The following RMDN2 variants were observed in gnomAD, a reference collection of about 807,000 sequenced individuals.
RMDN2 encodes regulator of microtubule dynamics 2.
Under a neutral mutation model 52.8 loss-of-function variants are expected in RMDN2, and 61 were observed. That is an observed-to-expected ratio of 1.16 (90% CI 0.94 to 1.43). The LOEUF is 1.43. Among genes scored for constraint, RMDN2 ranks in the 40% most tolerant of loss-of-function variants. RMDN2 has a pLI of 0.00. For missense variants in RMDN2, 592 were observed against 475.3 expected, an observed-to-expected ratio of 1.25 and a Z score of -2.28; for synonymous variants, 180 against 153.1, an observed-to-expected ratio of 1.18 and a Z score of -1.30.
intron 2 of RMDN2, among the ~76,000 whole-genome samples, chr2:37,940,885 A>T (rs1186395750): frequency 6.6e-6 from 1 of 152,138 alleles, no homozygotes; most frequent in Non-Finnish European, 1.5e-5. Context: ...TCTGAAGCCT[A>T]CTTCTGTCAA....
chr2:38,034,310 A>T (rs976025429), intron 10 of RMDN2, among the ~76,000 whole-genome samples: 1 of 152,230 alleles, frequency 6.6e-6, no homozygotes, highest in Non-Finnish European at 1.5e-5. Flanking sequence ...ACCCTCTACC[A>T]CTATCTTGGA....
At position 37,929,266 on chromosome 2, in the gene RMDN2, G is replaced by A. The variant is rs373130579; in HGVS notation, c.-12G>A. 4.8e-5 allele frequency: 72 copies of A among 1,486,436 alleles called. No homozygotes were observed. Among genetic ancestry groups the A allele is most frequent in the Non-Finnish European group, 6.0e-5 (67 of 1,113,626 alleles). The allele number at this position is 1,486,436 out of a possible 1,614,324, so 92.1% of individuals were successfully genotyped here. On this transcript the variant is annotated 5_prime_UTR_variant, in exon 2 of 11. Transcript: ENST00000354545. Reference sequence around the variant, plus strand: ...CATTTATGTTTTTAATTTTAGAAACGAAAACCAAGAAATGCCTTATTCCAC... The same window carrying A: ...CATTTATGTTTTTAATTTTAGAAACAAAAACCAAGAAATGCCTTATTCCAC...
intron 2 of RMDN2, among the ~76,000 whole-genome samples, chr2:37,940,043 T>G (rs1464245150): frequency 6.6e-6 from 1 of 152,206 alleles, no homozygotes; most frequent in African/African-American, 2.4e-5. Context: ...CCGTATTTAG[T>G]GCTTCCTTCA....
At chr2:37,932,776 C>G (rs1418846126) in intron 2 of RMDN2, among the ~76,000 whole-genome samples, 1 of 138,706 alleles carries the variant, frequency 7.2e-6, no homozygotes, top group Non-Finnish European at 1.6e-5. Flanking sequence ...GGCAGAGGCG[C>G]CCCTCACCTC....
chr2:37,951,131 T>C (rs1668725205), intron 2 of RMDN2: 8 of 1,122,296 alleles, frequency 7.1e-6, no homozygotes, highest in South Asian at 1.7e-5. Context: ...ACAATACCAA[T>C]TGGTGGACAC....
intron 4 of RMDN2, among the ~76,000 whole-genome samples, chr2:37,975,641 G>A (rs527964266): frequency 6.6e-6 from 1 of 152,128 alleles, no homozygotes; most frequent in African/African-American, 2.4e-5. Context: ...AACCACCGTG[G>A]CACGTGTATA....
chr2:37,992,866 GC>G (rs367910462), intron 7 of RMDN2, among the ~76,000 whole-genome samples: 144 of 152,198 alleles, frequency 9.5e-4, no homozygotes, highest in African/African-American at 3.3e-3. Context: ...GGGTCACTCA[GC>G]TAATAAGCAG....
intron 10 of RMDN2, among the ~76,000 whole-genome samples, chr2:38,050,705 A>G (rs951640334): frequency 6.6e-6 from 1 of 152,202 alleles, no homozygotes. Context: ...TGTAAGAACA[A>G]AGAACAATCT....
Position 38,017,693 on chromosome 2 carries a change from G to T in RMDN2, c.*454G>T. 2 of 469,842 alleles carry T rather than the reference G, an allele frequency of 4.3e-6. No homozygotes were observed. The highest frequency in any genetic ancestry group is 7.2e-6 in the Non-Finnish European group (2 of 276,138). The allele number at this position is 469,842 out of a possible 1,614,324, so 29.1% of individuals were successfully genotyped here. A position where few individuals can be genotyped will look rare whatever the true frequency, so the allele number is the denominator to read the frequency against. On this transcript the variant is annotated 3_prime_UTR_variant, in exon 11 of 11. Coordinates refer to ENST00000354545, the MANE Select transcript of RMDN2 (RefSeq NM_001170791.3). ...ACAAACAAATGTAGTATTGTAACTG[G>T]TAATCAAAAGATGTGAATAAAATTA...
chr2:37,932,105 C>A (rs1341748329), intron 2 of RMDN2, among the ~76,000 whole-genome samples: 1 of 151,410 alleles, frequency 6.6e-6, no homozygotes, highest in East Asian at 1.9e-4. Flanking sequence ...GGGTGTTTCT[C>A]GCAGAGGGGG....
At chr2:38,023,190 A>G (rs560470708) in intron 10 of RMDN2, among the ~76,000 whole-genome samples, 2 of 152,234 alleles carry the variant, frequency 1.3e-5, no homozygotes, top group Non-Finnish European at 2.9e-5. Context: ...GCCTAACACC[A>G]TGAGCAAAAG....
Position 37,975,224 on chromosome 2 carries a change from A to G in RMDN2, c.640A>G (p.Ile214Val). The G allele has an allele frequency of 1.3e-6, 2 of 1,598,944 alleles. No individual in the cohort carries two copies. The highest frequency in any genetic ancestry group is 2.2e-5 in the South Asian group (2 of 90,618). ...CTTTTCTTTTCAGTTTAGAGATGAAATAGAGTTTATGTGGCGATTTGCTCG... is the reference window on the plus strand; with the variant it reads ...CTTTTCTTTTCAGTTTAGAGATGAAGTAGAGTTTATGTGGCGATTTGCTCG... ...RDHKEKFRDE[I>V]EFMWRFARAY... Residue 214 changes from isoleucine (I) to valine (V), a missense_variant, in exon 4 of 11, where the codon ATA becomes GTA. Ile to Val is a conservative substitution (Grantham distance 29). Transcript: ENST00000354545.
At chr2:37,989,713 A>G in intron 6 of RMDN2, 97 bp downstream of exon 6, 1 of 774,110 alleles carries the variant, frequency 1.3e-6, no homozygotes, top group Non-Finnish European at 2.1e-6. Context: ...CATATGTTCC[A>G]TCAATGGGTA....
At chr2:38,026,188 A>G (rs1679768809) in intron 10 of RMDN2, among the ~76,000 whole-genome samples, 1 of 152,128 alleles carries the variant, frequency 6.6e-6, no homozygotes, top group African/African-American at 2.4e-5. Context: ...GGTAGTTTGT[A>G]TCTTTCAAAG....
chr2:38,000,593 C>T (rs886564108), intron 8 of RMDN2, among the ~76,000 whole-genome samples: 3 of 152,200 alleles, frequency 2.0e-5, no homozygotes, highest in African/African-American at 7.2e-5. Context: ...TAAATGGAAT[C>T]ATACAACATG....
chr2:37,977,321 C>T (rs933872616), intron 4 of RMDN2, among the ~76,000 whole-genome samples: 3 of 152,242 alleles, frequency 2.0e-5, no homozygotes, highest in African/African-American at 4.8e-5. Context: ...AAACCGCCAT[C>T]GTCATCATGG....
chr2:38,004,817 T>A (rs1676836601), intron 10 of RMDN2, among the ~76,000 whole-genome samples: 1 of 151,838 alleles, frequency 6.6e-6, no homozygotes, highest in Non-Finnish European at 1.5e-5. Context: ...TAACATTAGG[T>A]ATATATATCT....
rs950097792 is a variant in RMDN2 at position 38,007,795 on chromosome 2, G to C, written c.1179+3579G>C. 5.3e-5 allele frequency among the ~76,000 whole-genome samples: 8 copies of C among 152,054 alleles called. No homozygotes were observed. In the South Asian group the frequency reaches 1.0e-3, roughly 20 times the overall value. ...CTTCTCTAGTTCTTTTAATTGTGAT[G>C]TTAGGGTGTCAATCTTAGATCTTTC... On this transcript the variant is annotated intron_variant, in intron 10 of 10. Coordinates refer to ENST00000354545, the MANE Select transcript of RMDN2 (RefSeq NM_001170791.3).
At chr2:37,966,411 T>C (rs528489626) in intron 2 of RMDN2, among the ~76,000 whole-genome samples, 1 of 150,646 alleles carries the variant, frequency 6.6e-6, no homozygotes, top group Non-Finnish European at 1.5e-5. Context: ...AGTGAGGCTC[T>C]GTCTTAAAAA....
Sources: gnomAD v4.1 joint callset for allele counts (sites outside exome capture counted in the v4.1 genomes callset) on GRCh38, gnomAD v4.1.1 for gene constraint, MANE v1.5 for transcripts, NCBI Gene and HGNC (gene_info 2026-07-23, HGNC 2026-07-21) for gene names.